The following LHCGR variants were observed in gnomAD, a reference collection of about 807,000 sequenced individuals.
The protein encoded by LHCGR is lutropin-choriogonadotropic hormone receptor.
Under a neutral mutation model 60.7 loss-of-function variants are expected in LHCGR, and 55 were observed. The observed-to-expected ratio is 0.91, with a 90% confidence interval of 0.73 to 1.13. The LOEUF (loss-of-function observed/expected upper bound fraction) is 1.13. LHCGR is among the 50% of genes most tolerant of loss of function. The pLI, the probability that LHCGR is intolerant of heterozygous loss-of-function variation, is 0.00. For missense variants in LHCGR, 862 were observed against 836.0 expected, an observed-to-expected ratio of 1.03 and a Z score of -0.38; for synonymous variants, 337 against 316.5, an observed-to-expected ratio of 1.06 and a Z score of -0.69.
At chr2:48,696,203 A>G (rs1412252782) in intron 9 of LHCGR, among the ~76,000 whole-genome samples, 3 of 152,236 alleles carry the variant, frequency 2.0e-5, no homozygotes, top group African/African-American at 7.2e-5. Flanking sequence ...CTCTGATGAG[A>G]CAATGCATTG....
At chr2:48,693,552 T>G (rs1247410774) in intron 10 of LHCGR, among the ~76,000 whole-genome samples, 1 of 152,210 alleles carries the variant, frequency 6.6e-6, no homozygotes, top group Non-Finnish European at 1.5e-5. Context: ...ACATCTAGTT[T>G]TGTAGTCTGG....
At chr2:48,722,677 C>T (rs569275431) in intron 6 of LHCGR, among the ~76,000 whole-genome samples, 14 of 152,302 alleles carry the variant, frequency 9.2e-5, no homozygotes, top group Non-Finnish European at 8.8e-5. Context: ...CCTGAGACCT[C>T]CCCAGAAGCT....
intron 1 of LHCGR, among the ~76,000 whole-genome samples, chr2:48,739,849 G>A (rs1031738839): frequency 3.3e-4 from 50 of 152,236 alleles, no homozygotes; most frequent in African/African-American, 1.1e-3. Context: ...AAAGATGGCC[G>A]AATAGGAACA....
At chr2:48,705,272 T>C (rs1401975415) in intron 8 of LHCGR, among the ~76,000 whole-genome samples, 1 of 152,220 alleles carries the variant, frequency 6.6e-6, no homozygotes, top group Non-Finnish European at 1.5e-5. Flanking sequence ...TTGTGATTTC[T>C]GTTCTTTTAC....
At chr2:48,716,208 G>C (rs146778550) in intron 6 of LHCGR, among the ~76,000 whole-genome samples, 49 of 152,298 alleles carry the variant, frequency 3.2e-4, no homozygotes, top group African/African-American at 1.2e-3. Context: ...AGAGAAGCTA[G>C]GGTCTTGGCA....
chr2:48,736,691 C>A (rs985632728), intron 1 of LHCGR, among the ~76,000 whole-genome samples: 1 of 152,068 alleles, frequency 6.6e-6, no homozygotes. Flanking sequence ...GCTCTAGTGT[C>A]CCCCTTTAAG....
At position 48,687,655 on chromosome 2, in the gene LHCGR, A is replaced by G. The variant is rs761354612; in HGVS notation, c.*42T>C. ...ACTGGTACAGGTAATTTTTTTTTAC[A>G]GGTTTAAGAACAATTCAATAATGCA... On this transcript the variant is annotated 3_prime_UTR_variant, in exon 11 of 11. Transcript: ENST00000294954. 11 of 1,513,310 alleles carry G rather than the reference A, an allele frequency of 7.3e-6. No homozygotes were observed. Among genetic ancestry groups the G allele is most frequent in the Non-Finnish European group, 9.2e-6 (10 of 1,091,922 alleles). The allele number at this position is 1,513,310 out of a possible 1,614,324, so 93.7% of individuals were successfully genotyped here.
chr2:48,690,408 A>G lies in LHCGR; in HGVS notation c.948-1559T>C, dbSNP rs556025606. Among the ~76,000 whole-genome samples the G allele has an allele frequency of 6.6e-5, 10 of 152,314 alleles. No individual in the cohort carries two copies. In the South Asian group the frequency reaches 2.1e-3, roughly 32 times the overall value. On this transcript the variant is annotated intron_variant, in intron 10 of 10. Transcript: ENST00000294954. ...GTGTGCCTCAAGTTCTTTATTTGCC[A>G]AGTAGGGATAATAATCATACCTTCT...
At chr2:48,749,852 G>A (rs961974150) in intron 1 of LHCGR, among the ~76,000 whole-genome samples, 1 of 152,148 alleles carries the variant, frequency 6.6e-6, no homozygotes, top group African/African-American at 2.4e-5. Flanking sequence ...TGGGAACTCT[G>A]TTGCTTGTTT....
At chr2:48,692,013 C>T (rs1164913197) in intron 10 of LHCGR, among the ~76,000 whole-genome samples, 1 of 152,094 alleles carries the variant, frequency 6.6e-6, no homozygotes, top group Non-Finnish European at 1.5e-5. Flanking sequence ...GACCTTTCCC[C>T]TAACTTCACT....
intron 8 of LHCGR, among the ~76,000 whole-genome samples, chr2:48,708,355 C>T (rs1482946639): frequency 6.6e-6 from 1 of 152,088 alleles, no homozygotes; most frequent in East Asian, 1.9e-4. Flanking sequence ...TGAGGCCACC[C>T]CTCATATTTG....
At chr2:48,690,667 G>A (rs1257390542) in intron 10 of LHCGR, among the ~76,000 whole-genome samples, 1 of 152,008 alleles carries the variant, frequency 6.6e-6, no homozygotes, top group African/African-American at 2.4e-5. Context: ...CATCTCTCTG[G>A]TGAATTCCTC....
intron 9 of LHCGR, among the ~76,000 whole-genome samples, chr2:48,697,110 T>C (rs1272204290): frequency 6.6e-6 from 1 of 152,220 alleles, no homozygotes; most frequent in African/African-American, 2.4e-5. Context: ...TTCTGACTCA[T>C]CTTCTTCCAT....
Position 48,688,723 on chromosome 2 carries a change from G to A in LHCGR, c.1074C>T (p.Gly358=), listed in dbSNP as rs1310051951. Residue 358 remains glycine (G), a synonymous_variant, in exon 11 of 11, where the codon GGC becomes GGT. Coordinates refer to ENST00000294954, the MANE Select transcript of LHCGR (RefSeq NM_000233.4). This position sits in a 1 kb window ranked among gnomAD's most constrained non-coding sequence, Gnocchi z 5.2. ...AAATCAGGACCCTAAGGAAGTCATA[G>A]CCCATAATATCTTCACAGGGATTAA... is the stretch of plus-strand genomic sequence containing the variant. ...DAFNPCEDIM[G]YDFLRVLIWL... The A allele has an allele frequency of 5.6e-6, 9 of 1,613,906 alleles. No individual in the cohort carries two copies. The highest frequency in any genetic ancestry group is 7.6e-6 in the Non-Finnish European group (9 of 1,179,926).
chr2:48,754,399 T>C (rs1290625070), intron 1 of LHCGR, among the ~76,000 whole-genome samples: 1 of 152,166 alleles, frequency 6.6e-6, no homozygotes, highest in Non-Finnish European at 1.5e-5. Context: ...TGTTAGGACA[T>C]GATCAAGACC....
intron 7 of LHCGR, 110 bp downstream of exon 7, chr2:48,713,876 T>G: frequency 1.1e-6 from 1 of 887,356 alleles, no homozygotes; most frequent in Non-Finnish European, 1.8e-6. Flanking sequence ...GGCTAGCCAC[T>G]TGAAAGTTTA....
intron 1 of LHCGR, among the ~76,000 whole-genome samples, chr2:48,739,621 A>T (rs1379689990): frequency 3.4e-5 from 5 of 148,612 alleles, no homozygotes; most frequent in African/African-American, 9.8e-5. Flanking sequence ...ATGAGAACAC[A>T]TGGACACAGG....
chr2:48,726,875 G>A (rs997183952), intron 3 of LHCGR, among the ~76,000 whole-genome samples: 1 of 152,200 alleles, frequency 6.6e-6, no homozygotes, highest in Non-Finnish European at 1.5e-5. Context: ...AAATTAGGAA[G>A]TTGAATGATT....
intron 7 of LHCGR, among the ~76,000 whole-genome samples, chr2:48,710,774 T>G (rs1009235408): frequency 2.6e-5 from 4 of 152,230 alleles, no homozygotes; most frequent in South Asian, 2.1e-4. Context: ...GTCAGGTGTT[T>G]GCGAACTTTG....
Sources: gnomAD v4.1 joint callset for allele counts (sites outside exome capture counted in the v4.1 genomes callset) on GRCh38, gnomAD v4.1.1 for gene constraint, Gnocchi (gnomAD v3.1) non-coding constraint, MANE v1.5 for transcripts, NCBI Gene and HGNC (gene_info 2026-07-23, HGNC 2026-07-21) for gene names.